Variants in TRIM33 observed in about 807,000 individuals in gnomAD.
TRIM33 encodes the protein tripartite motif containing 33, also known as E3 ubiquitin-protein ligase TRIM33.
TRIM33 carries 20 observed loss-of-function variants against 125.4 expected under a neutral mutation model. That is an observed-to-expected ratio of 0.16 (90% CI 0.11 to 0.23). The LOEUF (loss-of-function observed/expected upper bound fraction) is 0.23. TRIM33 is among the 10% of genes least tolerant of loss of function. The probability of loss-of-function intolerance (pLI) is 1.00; values close to 1 mark genes in which losing one functional copy is unlikely to be tolerated. For missense variants in TRIM33, 920 were observed against 1,411.4 expected, an observed-to-expected ratio of 0.65 and a Z score of 5.58; for synonymous variants, 564 against 513.9, an observed-to-expected ratio of 1.10 and a Z score of -1.32.
At chr1:114,495,938 T>C (rs945406381) in intron 1 of TRIM33, among the ~76,000 whole-genome samples, 2 of 152,224 alleles carry the variant, frequency 1.3e-5, no homozygotes, top group African/African-American at 4.8e-5. Flanking sequence ...TATAATCTCT[T>C]ACCTCTCCAG....
At chr1:114,481,675 G>A (rs952911683) in intron 1 of TRIM33, among the ~76,000 whole-genome samples, 1 of 147,636 alleles carries the variant, frequency 6.8e-6, no homozygotes, top group African/African-American at 2.5e-5. Flanking sequence ...ATATATGTGT[G>A]TATATATATA....
At chr1:114,469,894 T>A (rs1220454008) in intron 1 of TRIM33, among the ~76,000 whole-genome samples, 1 of 152,194 alleles carries the variant, frequency 6.6e-6, no homozygotes, top group Non-Finnish European at 1.5e-5. Context: ...AGAAAGTAAC[T>A]GAAATAATTT....
intron 1 of TRIM33, among the ~76,000 whole-genome samples, chr1:114,487,497 T>C (rs1177803871): frequency 6.6e-6 from 1 of 151,720 alleles, no homozygotes. Context: ...TTGTCACTAA[T>C]ACCCCTAAAA....
Position 114,395,391 on chromosome 1 carries a change from C to T in TRIM33, c.*2257G>A, listed in dbSNP as rs1372776826. ...AGGAAACACAATTATTTTTTAAGGCCCCAAATACTGAAAAATATTTACTTA... is the reference window on the plus strand; with the variant it reads ...AGGAAACACAATTATTTTTTAAGGCTCCAAATACTGAAAAATATTTACTTA... On this transcript the variant is annotated 3_prime_UTR_variant, in exon 20 of 20. Coordinates refer to ENST00000358465, the MANE Select transcript of TRIM33 (RefSeq NM_015906.4). 1.5e-5 allele frequency: 3 copies of T among 199,820 alleles called. No individual in the cohort carries two copies. The Admixed American group carries it at 1.8e-4, about 12-fold the overall frequency. 12.4% of individuals were successfully genotyped at this position (199,820 alleles called of 1,614,324 possible).
chr1:114,417,776 A>G (rs563020738), intron 11 of TRIM33, among the ~76,000 whole-genome samples: 7 of 152,130 alleles, frequency 4.6e-5, no homozygotes, highest in African/African-American at 7.2e-5. Context: ...CTCCTGCCTC[A>G]GCCTCCCAAA....
At chr1:114,473,530 A>G (rs1356540345) in intron 1 of TRIM33, among the ~76,000 whole-genome samples, 2 of 152,114 alleles carry the variant, frequency 1.3e-5, no homozygotes, top group African/African-American at 4.8e-5. Flanking sequence ...AGAGCAGGAA[A>G]TCGGAATGAA....
intron 1 of TRIM33, among the ~76,000 whole-genome samples, chr1:114,483,716 T>C (rs1271135774): frequency 1.3e-5 from 2 of 152,092 alleles, no homozygotes; most frequent in Non-Finnish European, 1.5e-5. Context: ...CCGGCCCCAG[T>C]TGGTTTTAAT....
chr1:114,432,543 T>C (rs1648026079), intron 5 of TRIM33, among the ~76,000 whole-genome samples: 1 of 152,142 alleles, frequency 6.6e-6, no homozygotes, highest in Admixed American at 6.5e-5. Context: ...TCCCAGCACT[T>C]TGGGAGGCTG....
chr1:114,453,527 A>G (rs1333535228), intron 4 of TRIM33, among the ~76,000 whole-genome samples: 1 of 152,176 alleles, frequency 6.6e-6, no homozygotes, highest in African/African-American at 2.4e-5. Flanking sequence ...TTAGTAAAAA[A>G]GTTAACTTTG....
intron 4 of TRIM33, among the ~76,000 whole-genome samples, chr1:114,448,490 T>C (rs1309313232): frequency 6.6e-6 from 1 of 152,214 alleles, no homozygotes; most frequent in Non-Finnish European, 1.5e-5. Context: ...TGTGACCTAT[T>C]GGTATCATTA....
chr1:114,482,325 G>A (rs532359418), intron 1 of TRIM33, among the ~76,000 whole-genome samples: 7 of 152,182 alleles, frequency 4.6e-5, no homozygotes, highest in South Asian at 2.1e-4. Context: ...CATTAAGCTC[G>A]AAAAAGAAGA....
rs181987706 is a variant in TRIM33 at position 114,479,638 on chromosome 1, G to A, written c.527-15250C>T. Among the ~76,000 whole-genome samples, 449 of 152,314 alleles carry A rather than the reference G, an allele frequency of 2.9e-3. 4 individuals carry two copies. Among genetic ancestry groups the A allele is most frequent in the African/African-American group, 0.01 (424 of 41,572 alleles). ...CTAAAGGAAGTCTGTCAGGATGACAGGAAATAAAACCAGACTATATAAATG... is the reference window on the plus strand; with the variant it reads ...CTAAAGGAAGTCTGTCAGGATGACAAGAAATAAAACCAGACTATATAAATG... On this transcript the variant is annotated intron_variant, in intron 1 of 19. Transcript: ENST00000358465.
intron 3 of TRIM33, 56 bp downstream of exon 3, chr1:114,463,356 G>A (rs2101382411): frequency 6.4e-7 from 1 of 1,560,676 alleles, no homozygotes; most frequent in East Asian, 2.3e-5. Flanking sequence ...TTCTATAGGG[G>A]CAAAAGAAGG....
intron 4 of TRIM33, among the ~76,000 whole-genome samples, chr1:114,445,351 C>G (rs1378728409): frequency 1.3e-5 from 2 of 152,182 alleles, no homozygotes; most frequent in Non-Finnish European, 2.9e-5. Flanking sequence ...GATCCTCCCA[C>G]CTCAGCCTCC....
At chr1:114,402,690 A>G (rs1651975563) in intron 16 of TRIM33, 70 bp downstream of exon 16, 1 of 1,523,352 alleles carries the variant, frequency 6.6e-7, no homozygotes, top group African/African-American at 1.4e-5. Context: ...CTACACAGGA[A>G]AAAAAAAGGT....
Position 114,510,891 on chromosome 1 carries a change from G to T in TRIM33, c.186C>A (p.Pro62=). 1 of 1,430,330 alleles carries T rather than the reference G, an allele frequency of 7.0e-7. No homozygotes were observed. 88.6% of individuals were successfully genotyped at this position (1,430,330 alleles called of 1,614,324 possible). The change falls in exon 1 of 20, where the codon CCC becomes CCA. Residue 62 remains proline (P), a synonymous_variant. Coordinates refer to ENST00000358465, the MANE Select transcript of TRIM33 (RefSeq NM_015906.4). Reference sequence around the variant, plus strand: ...AGGCCGCGGCCACCCCCCCGTCGTCGGGCCCGGCCGCGCCGCCCTCAGCGC... The same window carrying T: ...AGGCCGCGGCCACCCCCCCGTCGTCTGGCCCGGCCGCGCCGCCCTCAGCGC... ...RAGAEGGAAG[P]DDGGVAAASS...
chr1:114,467,152 G>C (rs1229132494), intron 1 of TRIM33, among the ~76,000 whole-genome samples: 1 of 152,148 alleles, frequency 6.6e-6, no homozygotes, highest in Non-Finnish European at 1.5e-5. Flanking sequence ...TGGTCTATCA[G>C]TAACAAAAGA....
intron 4 of TRIM33, among the ~76,000 whole-genome samples, chr1:114,456,388 T>C (rs569641393): frequency 2.0e-5 from 3 of 152,132 alleles, no homozygotes; most frequent in Non-Finnish European, 4.4e-5. Context: ...GCCAATGAAT[T>C]CTTTGTACAA....
chr1:114,481,360 A>C lies in TRIM33; in HGVS notation c.527-16972T>G, dbSNP rs7544790. On this transcript the variant is annotated intron_variant, in intron 1 of 19. Transcript: ENST00000358465. The stretch of plus-strand genomic sequence containing the variant: ...TGTAATCCTAGCACTTTGGGAAGCC[A>C]AGGTGGTGGATCACGAGGTCAGGGG... 5.1e-3 allele frequency among the ~76,000 whole-genome samples: 777 copies of C among 152,070 alleles called. 2 individuals are homozygous for C. Among genetic ancestry groups the C allele is most frequent in the Middle Eastern group, 0.02 (6 of 294 alleles).
Sources: allele counts gnomAD v4.1 joint callset (sites outside exome capture counted in the v4.1 genomes callset), GRCh38; gene constraint gnomAD v4.1.1; transcripts MANE v1.5; gene names NCBI Gene and HGNC (gene_info 2026-07-23, HGNC 2026-07-21).